Variants in MDGA2 observed in about 807,000 individuals in gnomAD.
MDGA2 encodes the protein MAM domain-containing glycosylphosphatidylinositol anchor protein 2.
MDGA2 carries 40 observed loss-of-function variants against 117.8 expected under a neutral mutation model. The ratio of observed to expected loss-of-function variants is 0.34; its 90% confidence interval spans 0.26 to 0.44. MDGA2 has a LOEUF of 0.44. Ranked by LOEUF, MDGA2 falls within the 20% of genes least tolerant of loss-of-function variation. The probability of loss-of-function intolerance (pLI) is 1.00; values close to 1 mark genes in which losing one functional copy is unlikely to be tolerated. For synonymous variants in MDGA2, 452 were observed against 439.0 expected (o/e 1.03, Z -0.37); for missense variants, 1,123 against 1,250.6 (o/e 0.90, Z 1.54).
At chr14:47,058,371 T>C (rs567433636) in intron 7 of MDGA2, among the ~76,000 whole-genome samples, 2 of 152,272 alleles carry the variant, frequency 1.3e-5, no homozygotes, top group South Asian at 2.1e-4. Flanking sequence ...TTTCTTATAA[T>C]AGAAATACTA....
At chr14:47,337,470 CA>C (rs1566744664) in intron 1 of MDGA2, among the ~76,000 whole-genome samples, 3 of 151,742 alleles carry the variant, frequency 2.0e-5, no homozygotes, top group African/African-American at 4.8e-5. Flanking sequence ...GCAAGAACAA[CA>C]AGGCTTTTGT....
intron 1 of MDGA2, among the ~76,000 whole-genome samples, chr14:47,469,838 T>C (rs1364037505): frequency 6.6e-6 from 1 of 152,200 alleles, no homozygotes; most frequent in African/African-American, 2.4e-5. Flanking sequence ...ATTTTAATGA[T>C]CGCCATTCTA....
chr14:47,359,129 G>A (rs1257395128), intron 1 of MDGA2, among the ~76,000 whole-genome samples: 3 of 152,200 alleles, frequency 2.0e-5, no homozygotes, highest in Non-Finnish European at 4.4e-5. Flanking sequence ...GCCAAGGCAG[G>A]TGGATCACGA....
At chr14:46,902,657 A>G (rs1217545976) in intron 10 of MDGA2, among the ~76,000 whole-genome samples, 1 of 152,196 alleles carries the variant, frequency 6.6e-6, no homozygotes, top group Non-Finnish European at 1.5e-5. Context: ...GACTACAGTG[A>G]GTTCCTTCCC....
rs551655318 is a variant in MDGA2, at chr14:46,881,892, T to C, written c.2416+152A>G. 1.1e-5 allele frequency: 5 copies of C among 444,540 alleles called. No homozygotes were observed. The East Asian group carries it at 1.4e-4, about 13-fold the overall frequency. The allele number at this position is 444,540 out of a possible 1,614,324, so 27.5% of individuals were successfully genotyped here. A position where few individuals can be genotyped will look rare whatever the true frequency, so the allele number is the denominator to read the frequency against. On this transcript the variant is annotated intron_variant, in intron 11 of 16. Coordinates refer to ENST00000399232, the MANE Select transcript of MDGA2 (RefSeq NM_001113498.3). ...ACATTTATGGTGATTAAGGTTTTTG[T>C]TTTTGTTTTTTTGTTTAGTTAACTG...
chr14:47,106,084 G>A (rs929235261), intron 5 of MDGA2, among the ~76,000 whole-genome samples: 5 of 152,052 alleles, frequency 3.3e-5, no homozygotes, highest in East Asian at 1.9e-4. Context: ...ATCGGATAGC[G>A]TTTAGGCTTT....
intron 3 of MDGA2, among the ~76,000 whole-genome samples, chr14:47,146,710 T>C (rs576438423): frequency 6.6e-6 from 1 of 152,298 alleles, no homozygotes; most frequent in African/African-American, 2.4e-5. Context: ...GTTGTAAAAA[T>C]TAAATTCTGA....
At chr14:47,319,738 A>G (rs1415916556) in intron 1 of MDGA2, among the ~76,000 whole-genome samples, 1 of 152,200 alleles carries the variant, frequency 6.6e-6, no homozygotes. Context: ...TAGGAGAAAC[A>G]TACTTTAAAG....
At chr14:47,153,149 C>A (rs540630699) in intron 3 of MDGA2, among the ~76,000 whole-genome samples, 106 of 152,270 alleles carry the variant, frequency 7.0e-4, no homozygotes, top group African/African-American at 2.3e-3. Context: ...TTTAGCCAGG[C>A]TTTCGCTTTA....
chr14:47,561,148 T>TG (rs1265629795), intron 1 of MDGA2, among the ~76,000 whole-genome samples: 1,889 of 90,174 alleles, frequency 0.021, 117 homozygotes, highest in African/African-American at 0.058. Flanking sequence ...TTTGTTTTTT[T>TG]TTTTGTTTTG....
At chr14:46,929,225 T>C (rs184539515) in intron 9 of MDGA2, among the ~76,000 whole-genome samples, 127 of 152,238 alleles carry the variant, frequency 8.3e-4, no homozygotes, top group Non-Finnish European at 1.5e-3. Flanking sequence ...CATTTATATA[T>C]GTATGAACCA....
rs540468521 is a variant in MDGA2, at chr14:47,443,352, G to A, written c.281-141802C>T. On this transcript the variant is annotated intron_variant, in intron 1 of 16. Coordinates refer to ENST00000399232, the MANE Select transcript of MDGA2 (RefSeq NM_001113498.3). ...TTCCAATTGGTGGCAATTGTGTTCG[G>A]TACTATCCAAGGTTTCAGGTATTCA... 2.6e-5 allele frequency among the ~76,000 whole-genome samples: 4 copies of A among 152,170 alleles called. No individual in the cohort carries two copies. The South Asian group carries it at 6.2e-4, about 24-fold the overall frequency.
chr14:47,501,782 A>G (rs541670630), intron 1 of MDGA2, among the ~76,000 whole-genome samples: 1 of 152,288 alleles, frequency 6.6e-6, no homozygotes, highest in African/African-American at 2.4e-5. Context: ...AACTTTCAGA[A>G]GTGGCATGGC....
At chr14:47,228,787 C>T (rs995464027) in intron 2 of MDGA2, among the ~76,000 whole-genome samples, 1 of 152,098 alleles carries the variant, frequency 6.6e-6, no homozygotes, top group Non-Finnish European at 1.5e-5. Context: ...GATACAAGCT[C>T]CTGAGTCCTC....
chr14:47,052,490 T>G (rs577637932), intron 7 of MDGA2, among the ~76,000 whole-genome samples: 1 of 151,956 alleles, frequency 6.6e-6, no homozygotes, highest in Non-Finnish European at 1.5e-5. Context: ...ATAAATCCAA[T>G]GTTCTTTCCA....
At chr14:46,968,539 A>T (rs1886127288) in intron 8 of MDGA2, among the ~76,000 whole-genome samples, 1 of 152,164 alleles carries the variant, frequency 6.6e-6, no homozygotes, top group African/African-American at 2.4e-5. Context: ...CATTTAAAAA[A>T]TTCCTAGATT....
In MDGA2 at chr14:47,051,161, T is replaced by C. The variant is rs190242295; in HGVS notation, c.1525+10088A>G. Among the ~76,000 whole-genome samples, 38 of 152,034 alleles carry C rather than the reference T, an allele frequency of 2.5e-4. No individual in the cohort carries two copies. In the East Asian group the frequency reaches 4.1e-3, roughly 16 times the overall value. ...TCATACTGGATTTGAAATCTGAGAT[T>C]TCAAGGTCAAGTCAGGTGGAAGTGA... On this transcript the variant is annotated intron_variant, in intron 7 of 16. Transcript: ENST00000399232.
intron 10 of MDGA2, among the ~76,000 whole-genome samples, chr14:46,917,223 G>A (rs371928495): frequency 6.6e-6 from 1 of 152,102 alleles, no homozygotes; most frequent in African/African-American, 2.4e-5. Flanking sequence ...ACCATGACTT[G>A]AAATAATGCT....
At chr14:47,081,338 C>G (rs1890701218) in intron 6 of MDGA2, among the ~76,000 whole-genome samples, 1 of 152,008 alleles carries the variant, frequency 6.6e-6, no homozygotes, top group Admixed American at 6.5e-5. Flanking sequence ...TAAGATGTCT[C>G]TAAGTATCAA....
Sources: allele counts gnomAD v4.1 joint callset (sites outside exome capture counted in the v4.1 genomes callset), GRCh38; gene constraint gnomAD v4.1.1; transcripts MANE v1.5; gene names NCBI Gene and HGNC (gene_info 2026-07-23, HGNC 2026-07-21).